The following TRIM58 variants were observed in gnomAD, a reference collection of about 807,000 sequenced individuals.
TRIM58 encodes tripartite motif containing 58.
In TRIM58, 38 loss-of-function variants were observed where a neutral mutation model predicts 34.1. The ratio of observed to expected loss-of-function variants is 1.12; its 90% CI spans 0.86 to 1.46. The LOEUF is 1.46. Ranked by LOEUF, TRIM58 falls within the 40% of genes most tolerant of loss-of-function variation. TRIM58 has a pLI of 0.00. For missense variants in TRIM58, 677 were observed against 642.0 expected (o/e 1.05, Z -0.59); for synonymous variants, 273 against 275.7 (o/e 0.99, Z 0.10).
intron 5 of TRIM58, among the ~76,000 whole-genome samples, chr1:247,868,982 C>T (rs777456209): frequency 6.6e-6 from 1 of 152,172 alleles, no homozygotes; most frequent in Non-Finnish European, 1.5e-5. Flanking sequence ...TCACTGCAAC[C>T]TCCACCTCCC....
intron 2 of TRIM58, among the ~76,000 whole-genome samples, chr1:247,864,470 C>T (rs1663870862): frequency 6.6e-6 from 1 of 152,164 alleles, no homozygotes; most frequent in Admixed American, 6.5e-5. Flanking sequence ...GCCCCCAAGC[C>T]TGTGGCAAAA....
In TRIM58 at chr1:247,878,919, T is replaced by C. The variant is rs555458138; in HGVS notation, c.*2430T>C. On this transcript the variant is annotated 3_prime_UTR_variant, in exon 6 of 6. Transcript: ENST00000366481. ...TCATAGTTTTGTGTGTCTCCTGTAATGACTCTTCTCTTTCCCTTTCCAACT... is the reference window on the plus strand; with the variant it reads ...TCATAGTTTTGTGTGTCTCCTGTAACGACTCTTCTCTTTCCCTTTCCAACT... 5.4e-4 allele frequency among the ~76,000 whole-genome samples: 82 copies of C among 152,292 alleles called. No individual in the cohort carries two copies. Among genetic ancestry groups the C allele is most frequent in the African/African-American group, 1.6e-3 (68 of 41,562 alleles).
chr1:247,875,994 C>T lies in TRIM58; in HGVS notation c.966C>T (p.Val322=). The change falls in exon 6 of 6, where the codon GTC becomes GTT. Residue 322 remains valine, a synonymous_variant. Coordinates refer to ENST00000366481, the MANE Select transcript of TRIM58 (RefSeq NM_015431.4). ...AGGATGGAGAACCATGGAGGGATGT[C>T]CCCAACAACCCTGAGCGATTTGACA... ...SVQDGEPWRD[V]PNNPERFDTW... is the part of the protein sequence containing the mutation. The T allele has an allele frequency of 6.2e-7, 1 of 1,614,208 alleles. No homozygotes were observed. Among genetic ancestry groups the T allele is most frequent in the South Asian group, 1.1e-5 (1 of 91,074 alleles).
chr1:247,857,473 C>A lies in TRIM58; in HGVS notation c.227C>A (p.Ala76Glu). The change falls in exon 1 of 6, where the codon GCG becomes GAG. Residue 76 changes from alanine (A) to glutamate (E), a missense_variant. Transcript: ENST00000366481. Reference sequence around the variant, plus strand: ...GGCTTTCGCCCCAACCGGCAGCTGGCGGGCCTGGTGGAGAGCGTGCGGCGG... The same window carrying A: ...GGCTTTCGCCCCAACCGGCAGCTGGAGGGCCTGGTGGAGAGCGTGCGGCGG... ...PSGFRPNRQL[A>E]GLVESVRRLG... 2 of 1,369,400 alleles carry A rather than the reference C, an allele frequency of 1.5e-6. No homozygotes were observed. The highest frequency in any genetic ancestry group is 1.8e-5 in the South Asian group (1 of 54,130). The allele number at this position is 1,369,400 out of a possible 1,614,324, so 84.8% of individuals were successfully genotyped here. A position where few individuals can be genotyped will look rare whatever the true frequency, so the allele number is the denominator to read the frequency against.
chr1:247,873,835 T>G (rs1558352900), intron 5 of TRIM58, among the ~76,000 whole-genome samples: 1 of 151,828 alleles, frequency 6.6e-6, no homozygotes, highest in Non-Finnish European at 1.5e-5. Context: ...CTGGGCATGG[T>G]GGTGTGTGCC....
Position 247,879,014 on chromosome 1 carries a change from C to T in TRIM58, c.*2525C>T, listed in dbSNP as rs1463980861. Among the ~76,000 whole-genome samples the T allele has an allele frequency of 2.6e-5, 4 of 152,146 alleles. No homozygotes were observed. The highest frequency in any genetic ancestry group is 7.2e-5 in the African/African-American group (3 of 41,428). On this transcript the variant is annotated 3_prime_UTR_variant, in exon 6 of 6. Transcript: ENST00000366481. The stretch of plus-strand genomic sequence containing the variant: ...CAGCAAAATCCTCGACATCCATACC[C>T]GTTTCCTGGCTTTCCCTCTCCTTTC...
chr1:247,871,318 T>C (rs578034448), intron 5 of TRIM58, among the ~76,000 whole-genome samples: 25 of 152,222 alleles, frequency 1.6e-4, no homozygotes, highest in Non-Finnish European at 3.5e-4. Context: ...GAGAATTTGA[T>C]GAGTTGCTTG....
At chr1:247,875,350 C>T (rs904061896) in intron 5 of TRIM58, among the ~76,000 whole-genome samples, 1 of 152,050 alleles carries the variant, frequency 6.6e-6, no homozygotes, top group Non-Finnish European at 1.5e-5. Flanking sequence ...GCAGAAGATC[C>T]TCCTAAGTGC....
chr1:247,873,537 T>C (rs1054943066), intron 5 of TRIM58, among the ~76,000 whole-genome samples: 1 of 152,172 alleles, frequency 6.6e-6, no homozygotes, highest in Non-Finnish European at 1.5e-5. Flanking sequence ...CTCTAGAGTT[T>C]GGGAAGACCA....
intron 5 of TRIM58, among the ~76,000 whole-genome samples, chr1:247,868,487 T>C (rs1203565400): frequency 6.6e-6 from 1 of 152,204 alleles, no homozygotes; most frequent in Non-Finnish European, 1.5e-5. Flanking sequence ...CAATCAGTTC[T>C]CCAGCAGATA....
At chr1:247,875,727 T>C (rs911724817) in intron 5 of TRIM58, among the ~76,000 whole-genome samples, 173 bp from the exon 6 acceptor site, 1 of 152,078 alleles carries the variant, frequency 6.6e-6, no homozygotes, top group African/African-American at 2.4e-5. Flanking sequence ...AGAATAAGAA[T>C]AATAAAGTAA....
chr1:247,876,782 T>G lies in TRIM58; in HGVS notation c.*293T>G. The G allele has an allele frequency of 2.8e-6, 1 of 363,370 alleles. No individual in the cohort carries two copies. The highest frequency in any genetic ancestry group is 5.2e-5 in the East Asian group (1 of 19,080). The allele number at this position is 363,370 out of a possible 1,614,324, so 22.5% of individuals were successfully genotyped here. The stretch of plus-strand genomic sequence containing the variant: ...TGGATTACATAAGGATTTCTATGCA[T>G]TCATTATAATTTGTTATTCCTTTCA... On this transcript the variant is annotated 3_prime_UTR_variant, in exon 6 of 6. Coordinates refer to ENST00000366481, the MANE Select transcript of TRIM58 (RefSeq NM_015431.4).
Position 247,868,004 on chromosome 1 carries a change from T to C in TRIM58, c.812T>C (p.Met271Thr), listed in dbSNP as rs771768651. 1 of 1,612,718 alleles carries C rather than the reference T, an allele frequency of 6.2e-7. No homozygotes were observed. The highest frequency in any genetic ancestry group is 8.5e-7 in the Non-Finnish European group (1 of 1,179,672). ...VTRLEAENIP[M>T]ELKTACCIPG... The stretch of plus-strand genomic sequence containing the variant: ...AGGCTGGAAGCAGAGAACATCCCCA[T>C]GGAACTGAAGACAGCATGCTGCATC... Residue 271 changes from methionine to threonine, a missense_variant, in exon 5 of 6, where the codon ATG becomes ACG. Coordinates refer to ENST00000366481, the MANE Select transcript of TRIM58 (RefSeq NM_015431.4).
chr1:247,862,993 G>A lies in TRIM58; in HGVS notation c.517-1712G>A, dbSNP rs952056884. The stretch of plus-strand genomic sequence containing the variant: ...GGCTGCGTTATTTGCCCCACCCCAC[G>A]ACAGCACAGCCTCTGATATGAAGAG... On this transcript the variant is annotated intron_variant, in intron 2 of 5. Coordinates refer to ENST00000366481, the MANE Select transcript of TRIM58 (RefSeq NM_015431.4). Among the ~76,000 whole-genome samples the A allele has an allele frequency of 2.6e-5, 4 of 152,046 alleles. No individual in the cohort carries two copies. In the East Asian group the frequency reaches 5.8e-4, roughly 22 times the overall value.
Position 247,857,604 on chromosome 1 carries a change from G to A in TRIM58, c.358G>A (p.Ala120Thr), listed in dbSNP as rs2103318199. The change falls in exon 1 of 6, where the codon GCC (alanine) becomes ACC (threonine). Residue 120 changes from alanine (A) to threonine (T), a missense_variant. Transcript: ENST00000366481. Reference sequence around the variant, plus strand: ...GGCGGCGCTGTGCTGGGTGTGCGACGCCGGCCCCGAGCACAGGACGCACCG... The same window carrying A: ...GGCGGCGCTGTGCTGGGTGTGCGACACCGGCCCCGAGCACAGGACGCACCG... ...DEAALCWVCDAGPEHRTHRTA... is the reference protein window; with the variant it reads ...DEAALCWVCDTGPEHRTHRTA... The A allele has an allele frequency of 7.9e-7, 1 of 1,258,672 alleles. No homozygotes were observed. Among genetic ancestry groups the A allele is most frequent in the South Asian group, 3.1e-5 (1 of 32,404 alleles). The allele number at this position is 1,258,672 out of a possible 1,614,324, so 78.0% of individuals were successfully genotyped here.
In TRIM58 at chr1:247,878,479, T is replaced by A. The variant is rs2103339508; in HGVS notation, c.*1990T>A. ...GAACACTTCTACTCTCTGTGATAGA[T>A]TTGCAAACAGAGGAAATAACGCATC... is the stretch of plus-strand genomic sequence containing the variant. On this transcript the variant is annotated 3_prime_UTR_variant, in exon 6 of 6. Coordinates refer to ENST00000366481, the MANE Select transcript of TRIM58 (RefSeq NM_015431.4). 6.6e-6 allele frequency among the ~76,000 whole-genome samples: 1 copy of A among 152,318 alleles called. No homozygotes were observed. Among genetic ancestry groups the A allele is most frequent in the South Asian group, 2.1e-4 (1 of 4,828 alleles).
chr1:247,863,416 T>G (rs986595129), intron 2 of TRIM58, among the ~76,000 whole-genome samples: 1 of 152,006 alleles, frequency 6.6e-6, no homozygotes, highest in African/African-American at 2.4e-5. Flanking sequence ...TGCGTGCCTG[T>G]AATCCCACTT....
At chr1:247,874,060 ATTTG>A (rs1356166518) in intron 5 of TRIM58, among the ~76,000 whole-genome samples, 2 of 152,194 alleles carry the variant, frequency 1.3e-5, no homozygotes, top group East Asian at 1.9e-4. Flanking sequence ...TAGAAACAGT[ATTTG>A]TTCTGATATT....
intron 2 of TRIM58, among the ~76,000 whole-genome samples, chr1:247,863,949 A>G (rs1191663895): frequency 6.6e-6 from 1 of 152,178 alleles, no homozygotes; most frequent in Non-Finnish European, 1.5e-5. Flanking sequence ...TTACCATATT[A>G]TGAAACAGCA....
Sources: allele counts gnomAD v4.1 joint callset (sites outside exome capture counted in the v4.1 genomes callset), GRCh38; gene constraint gnomAD v4.1.1; transcripts MANE v1.5; gene names NCBI Gene and HGNC (gene_info 2026-07-23, HGNC 2026-07-21).